RFX3: variants seen among roughly 807,000 people sequenced by gnomAD.
RFX3 encodes regulatory factor X3, also known as transcription factor RFX3.
RFX3 carries 14 observed loss-of-function variants against 98.6 expected under a neutral mutation model. The ratio of observed to expected loss-of-function variants is 0.14; its 90% confidence interval spans 0.09 to 0.22. The LOEUF is 0.22. Ranked by LOEUF, RFX3 falls within the 10% of genes least tolerant of loss-of-function variation. RFX3 has a pLI of 1.00. For missense variants in RFX3, 639 were observed against 926.9 expected (o/e 0.69, Z 4.03); for synonymous variants, 383 against 328.4 (o/e 1.17, Z -1.80).
chr9:3,260,835 C>T lies in RFX3; in HGVS notation c.1605+2100G>A, dbSNP rs902801706. On this transcript the variant is annotated intron_variant, in intron 13 of 16. Coordinates refer to ENST00000617270, the MANE Select transcript of RFX3 (RefSeq NM_001282116.2). The stretch of plus-strand genomic sequence containing the variant: ...GGATAGATGATATTTTTTAAAACTT[C>T]ATATATATAGTTTTAAATTAGATAT... Among the ~76,000 whole-genome samples the T allele has an allele frequency of 2.4e-4, 36 of 150,002 alleles. 1 individual carries two copies. The highest frequency in any genetic ancestry group is 6.0e-4 in the Admixed American group (9 of 15,024).
chr9:3,355,820 A>G (rs1273985176), intron 2 of RFX3, among the ~76,000 whole-genome samples: 3 of 151,920 alleles, frequency 2.0e-5, no homozygotes, highest in African/African-American at 7.2e-5. Context: ...AAAGTATTAA[A>G]ACAATACAGA....
intron 1 of RFX3, among the ~76,000 whole-genome samples, chr9:3,428,773 A>C (rs1040149620): frequency 1.3e-5 from 2 of 152,150 alleles, no homozygotes; most frequent in African/African-American, 4.8e-5. Context: ...TAAATAAAAG[A>C]AAGTTTTTTA....
chr9:3,487,821 A>C (rs981057715), intron 1 of RFX3, among the ~76,000 whole-genome samples: 1 of 152,182 alleles, frequency 6.6e-6, no homozygotes, highest in Non-Finnish European at 1.5e-5. Flanking sequence ...AATAGAGTAG[A>C]TACAAATTCT....
Position 3,220,618 on chromosome 9 carries a change from G to A in RFX3, c.*4424C>T, listed in dbSNP as rs558179320. The A allele has an allele frequency of 3.6e-5, 5 of 140,526 alleles. No homozygotes were observed. In the East Asian group the frequency reaches 1.0e-3, roughly 29 times the overall value. 8.7% of individuals were successfully genotyped at this position (140,526 alleles called of 1,614,324 possible). On this transcript the variant is annotated 3_prime_UTR_variant, in exon 17 of 17. Transcript: ENST00000617270. ...ATATAAAATGCAAGTGTTCGGCGTGGAAACACTTTCTCTTCCTACCCCCCC... is the reference window on the plus strand; with the variant it reads ...ATATAAAATGCAAGTGTTCGGCGTGAAAACACTTTCTCTTCCTACCCCCCC...
intron 2 of RFX3, among the ~76,000 whole-genome samples, chr9:3,365,149 A>C (rs1836905479): frequency 6.6e-6 from 1 of 152,060 alleles, no homozygotes; most frequent in Non-Finnish European, 1.5e-5. Flanking sequence ...AAATACAAAA[A>C]ATTAACCGGG....
chr9:3,288,337 G>A, intron 6 of RFX3, 87 bp from the exon 7 acceptor site: 1 of 1,221,358 alleles, frequency 8.2e-7, no homozygotes. Context: ...TTCACACTTG[G>A]AAAAATTTGG....
intron 1 of RFX3, among the ~76,000 whole-genome samples, chr9:3,431,709 G>T (rs1190592682): frequency 2.0e-5 from 3 of 152,146 alleles, no homozygotes; most frequent in Admixed American, 6.6e-5. Flanking sequence ...TGCCAGCAAA[G>T]GATGGTTTGG....
At chr9:3,357,971 T>G (rs1053298589) in intron 2 of RFX3, among the ~76,000 whole-genome samples, 38 of 152,108 alleles carry the variant, frequency 2.5e-4, no homozygotes, top group Non-Finnish European at 5.4e-4. Context: ...GATTTATGAA[T>G]ACACAGGTGG....
At chr9:3,439,710 A>G (rs1199769370) in intron 1 of RFX3, among the ~76,000 whole-genome samples, 1 of 152,018 alleles carries the variant, frequency 6.6e-6, no homozygotes, top group Non-Finnish European at 1.5e-5. Context: ...TTTAAAGAAT[A>G]AACAATACTA....
In RFX3 at chr9:3,262,946, C is replaced by A. The variant is rs771808719; in HGVS notation, c.1594G>T (p.Ala532Ser). 11 of 1,613,368 alleles carry A rather than the reference C, an allele frequency of 6.8e-6. No homozygotes were observed. The highest frequency in any genetic ancestry group is 8.5e-6 in the Non-Finnish European group (10 of 1,179,550). ...AGGAAATAGAATACCTGGACATTGG[C>A]AAAGTCGACACGGTTGAGGTCACTA... ...MLSDLNRVDFANVQEQASWVC... is the reference protein window; with the variant it reads ...MLSDLNRVDFSNVQEQASWVC... Residue 532 changes from alanine to serine, a missense_variant, in exon 13 of 17, where the codon GCC (alanine) becomes TCC (serine). Around this residue, in one of 9 missense-constraint regions of RFX3, gnomAD observed 138 missense variants for 308.9 expected, o/e 0.45. Coordinates refer to ENST00000617270, the MANE Select transcript of RFX3 (RefSeq NM_001282116.2).
chr9:3,283,079 A>G (rs2991325), intron 7 of RFX3, among the ~76,000 whole-genome samples: 18,474 of 151,712 alleles, frequency 0.12, 3,100 homozygotes, highest in African/African-American at 0.38. Context: ...TCTCTTCAAT[A>G]GAAAAGATTA....
At position 3,477,953 on chromosome 9, in the gene RFX3, GTTA is replaced by G. The variant is rs559964309; in HGVS notation, c.-9+47791_-9+47793del. On this transcript the variant is annotated intron_variant, in intron 1 of 16. Coordinates refer to ENST00000617270, the MANE Select transcript of RFX3 (RefSeq NM_001282116.2). Reference sequence around the variant, plus strand: ...CTCCTCTAGTGAATTTTTCATTTCAGTTATTATACTTTTAAGCTCCAGAACTTC... The same window carrying G: ...CTCCTCTAGTGAATTTTTCATTTCAGTTATACTTTTAAGCTCCAGAACTTC... Among the ~76,000 whole-genome samples the G allele has an allele frequency of 7.9e-5, 12 of 152,028 alleles. No individual in the cohort carries two copies. The South Asian group carries it at 1.2e-3, about 16-fold the overall frequency.
chr9:3,490,661 A>G (rs1850657525), intron 1 of RFX3, among the ~76,000 whole-genome samples: 1 of 152,148 alleles, frequency 6.6e-6, no homozygotes, highest in African/African-American at 2.4e-5. Context: ...CAGAAAAAGC[A>G]TTCTTTAAAA....
intron 1 of RFX3, among the ~76,000 whole-genome samples, chr9:3,479,680 G>C (rs1048935489): frequency 6.6e-6 from 1 of 152,184 alleles, no homozygotes; most frequent in Non-Finnish European, 1.5e-5. Flanking sequence ...TAAAAGTGAG[G>C]AGGAAAGCCT....
chr9:3,445,239 GTTA>G (rs1246821841), intron 1 of RFX3, among the ~76,000 whole-genome samples: 1 of 145,478 alleles, frequency 6.9e-6, no homozygotes, highest in South Asian at 2.1e-4. Context: ...CATAAAGTAA[GTTA>G]TTATAAATTT....
At chr9:3,444,457 G>A (rs1470557554) in intron 1 of RFX3, among the ~76,000 whole-genome samples, 3 of 151,600 alleles carry the variant, frequency 2.0e-5, no homozygotes, top group African/African-American at 7.3e-5. Flanking sequence ...AAGAGAATAG[G>A]GACACAGGGA....
At chr9:3,396,058 T>C (rs1232353082) in intron 1 of RFX3, among the ~76,000 whole-genome samples, 1 of 151,794 alleles carries the variant, frequency 6.6e-6, no homozygotes, top group Admixed American at 6.6e-5. Context: ...TTTTTTTTTA[T>C]ACTTTGTTTT....
chr9:3,243,330 C>CAAAA (rs34599472), intron 15 of RFX3, among the ~76,000 whole-genome samples: 29 of 146,650 alleles, frequency 2.0e-4, no homozygotes, highest in South Asian at 1.9e-3. Context: ...ATCATTTAGG[C>CAAAA]AAAAAAAAAA....
At chr9:3,342,466 C>T (rs896426977) in intron 3 of RFX3, among the ~76,000 whole-genome samples, 3 of 152,100 alleles carry the variant, frequency 2.0e-5, no homozygotes, top group African/African-American at 7.2e-5. Flanking sequence ...CATACTTTTG[C>T]ATTTTAAAAC....
Sources: gnomAD v4.1 joint callset for allele counts (sites outside exome capture counted in the v4.1 genomes callset) on GRCh38, gnomAD v4.1.1 for gene constraint, gnomAD v4.1.1 regional missense constraint, MANE v1.5 for transcripts, NCBI Gene and HGNC (gene_info 2026-07-23, HGNC 2026-07-21) for gene names.